The following CHN2 variants were observed in gnomAD, a reference collection of about 807,000 sequenced individuals.
CHN2 encodes chimerin 2.
CHN2 carries 35 observed loss-of-function variants against 56.3 expected under a neutral mutation model. That is an observed-to-expected ratio of 0.62 (90% CI 0.47 to 0.82). The LOEUF (loss-of-function observed/expected upper bound fraction) is 0.82, where lower values mean the gene tolerates loss of function less well. CHN2 is among the 40% of genes least tolerant of loss of function. The pLI is 0.00. For missense variants in CHN2, 491 were observed against 580.5 expected (o/e 0.85, Z 1.58); for synonymous variants, 210 against 212.8 (o/e 0.99, Z 0.12).
intron 2 of CHN2, among the ~76,000 whole-genome samples, chr7:29,359,147 C>T (rs1210269764): frequency 2.0e-5 from 3 of 152,148 alleles, no homozygotes; most frequent in East Asian, 3.9e-4. Flanking sequence ...GACTCTATCA[C>T]TGTGGTCAGG....
At chr7:29,484,011 CTT>C (rs1283588473) in intron 7 of CHN2, 1 of 594,972 alleles carries the variant, frequency 1.7e-6, no homozygotes, top group Admixed American at 2.4e-5. Flanking sequence ...CTATTATTAT[CTT>C]TTTGTGCCTC....
intron 3 of CHN2, among the ~76,000 whole-genome samples, chr7:29,368,648 A>C (rs1269592192): frequency 6.6e-6 from 1 of 152,152 alleles, no homozygotes; most frequent in Non-Finnish European, 1.5e-5. Context: ...ATATAGAGCC[A>C]CGGATAGCTT....
At chr7:29,264,209 C>T (rs1322650125) in intron 1 of CHN2, among the ~76,000 whole-genome samples, 1 of 150,754 alleles carries the variant, frequency 6.6e-6, no homozygotes, top group Non-Finnish European at 1.5e-5. Flanking sequence ...AGCCCCTCTG[C>T]CCGGCCACCA....
Position 29,419,025 on chromosome 7 carries a change from T to C in CHN2, c.576+18197T>C, listed in dbSNP as rs544342760. On this transcript the variant is annotated intron_variant, in intron 6 of 12. Transcript: ENST00000222792. Reference sequence around the variant, plus strand: ...AGGATGACTTCTCAGCGTACCAGTATGCAGTGGGCACATGGTGGCAGTTCT... The same window carrying C: ...AGGATGACTTCTCAGCGTACCAGTACGCAGTGGGCACATGGTGGCAGTTCT... Among the ~76,000 whole-genome samples the C allele has an allele frequency of 3.9e-5, 6 of 152,292 alleles. No homozygotes were observed. In the South Asian group the frequency reaches 1.2e-3, roughly 32 times the overall value.
rs1278425888 is a variant in CHN2, at chr7:29,400,649, A to T, written c.397A>T (p.Thr133Ser). Reference protein sequence around the residue: ...IHDLVTDGLITLYIETKAAEY... With the variant: ...IHDLVTDGLISLYIETKAAEY... ...TGATCTGGTGACAGATGGCTTGATA[A>T]CACTGTACATAGAAACAAAAGCTGC... The change falls in exon 6 of 13, where the codon ACA becomes TCA. Residue 133 changes from threonine to serine, a missense_variant. Coordinates refer to ENST00000222792, the MANE Select transcript of CHN2 (RefSeq NM_004067.4). 1.2e-6 allele frequency: 2 copies of T among 1,614,214 alleles called. No individual in the cohort carries two copies. Among genetic ancestry groups the T allele is most frequent in the Admixed American group, 1.7e-5 (1 of 60,028 alleles).
At chr7:29,256,847 G>A (rs1789119568) in intron 1 of CHN2, among the ~76,000 whole-genome samples, 1 of 152,136 alleles carries the variant, frequency 6.6e-6, no homozygotes, top group Non-Finnish European at 1.5e-5. Context: ...TACCTACAGG[G>A]CCCTCTGTTA....
chr7:29,398,269 G>A, intron 4 of CHN2, 104 bp from the exon 5 acceptor site: 1 of 809,430 alleles, frequency 1.2e-6, no homozygotes, highest in East Asian at 2.5e-5. Flanking sequence ...TCAGTTGTGG[G>A]GCTGTCGATT....
chr7:29,316,766 A>G (rs987783383), intron 1 of CHN2, among the ~76,000 whole-genome samples: 6 of 152,172 alleles, frequency 3.9e-5, no homozygotes, highest in Admixed American at 6.5e-5. Context: ...TAATTTGCCA[A>G]AGAAATAGCT....
chr7:29,208,865 C>T (rs1237579244), intron 1 of CHN2: 2 of 152,216 alleles, frequency 1.3e-5, no homozygotes, highest in Non-Finnish European at 2.9e-5. Flanking sequence ...TTAGCGCTGC[C>T]CTCTTGGTCG....
At chr7:29,501,401 G>A (rs1329973454) in intron 9 of CHN2, among the ~76,000 whole-genome samples, 3 of 152,290 alleles carry the variant, frequency 2.0e-5, no homozygotes, top group East Asian at 1.9e-4. Context: ...GAGTGGTTGG[G>A]ACAAGTGACC....
chr7:29,324,755 C>T (rs1188632760), intron 1 of CHN2, among the ~76,000 whole-genome samples: 2 of 152,112 alleles, frequency 1.3e-5, no homozygotes, highest in East Asian at 1.9e-4. Flanking sequence ...GTAATCCAAG[C>T]TTCTGGGCAT....
intron 6 of CHN2, among the ~76,000 whole-genome samples, chr7:29,476,524 G>A (rs561261718): frequency 6.7e-4 from 93 of 139,048 alleles, no homozygotes; most frequent in Admixed American, 1.2e-3. Flanking sequence ...ATGACAGAGC[G>A]AGAGTCCGTC....
intron 1 of CHN2, among the ~76,000 whole-genome samples, chr7:29,338,901 G>A (rs1351559355): frequency 6.6e-6 from 1 of 152,136 alleles, no homozygotes; most frequent in African/African-American, 2.4e-5. Context: ...TATTAAATAA[G>A]ACACTGCATA....
intron 6 of CHN2, among the ~76,000 whole-genome samples, chr7:29,475,230 A>T (rs1562637174): frequency 6.6e-6 from 1 of 152,176 alleles, no homozygotes; most frequent in Non-Finnish European, 1.5e-5. Context: ...ACCTTTATTC[A>T]TCAAAAAAAG....
chr7:29,497,146 G>A (rs1789389289), intron 8 of CHN2, among the ~76,000 whole-genome samples: 1 of 152,136 alleles, frequency 6.6e-6, no homozygotes, highest in Non-Finnish European at 1.5e-5. Flanking sequence ...GCAGGTCTAT[G>A]TTTAAGGGGT....
intron 7 of CHN2, among the ~76,000 whole-genome samples, chr7:29,486,763 G>A (rs1036270023): frequency 2.0e-5 from 3 of 152,010 alleles, no homozygotes; most frequent in Non-Finnish European, 2.9e-5. Flanking sequence ...CCCCCACCCC[G>A]TGCTATCCTG....
chr7:29,471,351 A>T (rs147793339), intron 6 of CHN2, among the ~76,000 whole-genome samples: 1 of 152,206 alleles, frequency 6.6e-6, no homozygotes, highest in African/African-American at 2.4e-5. Flanking sequence ...TTATTTCTAT[A>T]TCTAAAAAGT....
At position 29,212,593 on chromosome 7, in the gene CHN2, C is replaced by T. The variant is rs148888676; in HGVS notation, c.49+17603C>T. 1.4e-3 allele frequency: 1,967 copies of T among 1,409,140 alleles called. 25 individuals are homozygous for T. In the African/African-American group the frequency reaches 0.023, roughly 16 times the overall value. The allele number at this position is 1,409,140 out of a possible 1,614,324, so 87.3% of individuals were successfully genotyped here. ...AGGTCCCAGTCAAGAAACAGAAGAC[C>T]AGAACTGTGTTTTCTTCCACCCAGC... On this transcript the variant is annotated intron_variant, in intron 1 of 12. Coordinates refer to ENST00000222792, the MANE Select transcript of CHN2 (RefSeq NM_004067.4).
intron 3 of CHN2, among the ~76,000 whole-genome samples, chr7:29,384,285 T>C (rs1800755955): frequency 1.3e-5 from 2 of 152,198 alleles, no homozygotes; most frequent in South Asian, 4.1e-4. Context: ...TTGAGCAATT[T>C]CCCTTCCTTT....
Sources: allele counts gnomAD v4.1 joint callset (sites outside exome capture counted in the v4.1 genomes callset), GRCh38; gene constraint gnomAD v4.1.1; transcripts MANE v1.5; gene names NCBI Gene and HGNC (gene_info 2026-07-23, HGNC 2026-07-21).